Variants in TRNAU1AP observed in about 807,000 individuals in gnomAD.
TRNAU1AP encodes tRNA selenocysteine 1 associated protein 1, also known as tRNA selenocysteine 1-associated protein 1.
Under a neutral mutation model 43.3 loss-of-function variants are expected in TRNAU1AP, and 33 were observed. The observed-to-expected ratio is 0.76, with a 90% CI of 0.58 to 1.02. The LOEUF (loss-of-function observed/expected upper bound fraction) is 1.02. TRNAU1AP is among the 50% of genes least tolerant of loss of function. The pLI, the probability that TRNAU1AP is intolerant of heterozygous loss-of-function variation, is 0.00. For missense variants in TRNAU1AP, 290 were observed against 362.7 expected (o/e 0.80, Z 1.63); for synonymous variants, 143 against 129.1 (o/e 1.11, Z -0.73).
At chr1:28,562,081 T>C (rs966971742) in intron 4 of TRNAU1AP, among the ~76,000 whole-genome samples, 4 of 152,206 alleles carry the variant, frequency 2.6e-5, no homozygotes, top group Non-Finnish European at 4.4e-5. Context: ...AGACCCTGTC[T>C]TAAAAAAGAA....
chr1:28,569,309 T>C (rs1426837066), intron 6 of TRNAU1AP, among the ~76,000 whole-genome samples: 1 of 152,080 alleles, frequency 6.6e-6, no homozygotes, highest in African/African-American at 2.4e-5. Flanking sequence ...GTGGGAGAAT[T>C]GATTGAGCCT....
chr1:28,560,714 C>G lies in TRNAU1AP; in HGVS notation c.207C>G (p.Pro69=), dbSNP rs568489685. ...GTTTGCATAAAATTAATGGGAAACC[C>G]CTTCCAGGAGCCACACCTGTAAGGA... ...EKCLHKINGK[P]LPGATPAKRF... Residue 69 remains proline, a synonymous_variant, in exon 3 of 9, where the codon CCC becomes CCG. Coordinates refer to ENST00000373830, the MANE Select transcript of TRNAU1AP (RefSeq NM_017846.5). 1 of 1,613,878 alleles carries G rather than the reference C, an allele frequency of 6.2e-7. No homozygotes were observed. Among genetic ancestry groups the G allele is most frequent in the Non-Finnish European group, 8.5e-7 (1 of 1,179,794 alleles).
At chr1:28,553,285 C>CA (rs1665175832) in intron 1 of TRNAU1AP, 148 bp downstream of exon 1, 1 of 993,624 alleles carries the variant, frequency 1.0e-6, no homozygotes, top group Non-Finnish European at 1.4e-6. Context: ...AAGCGGGTTC[C>CA]AGCATCTAAG....
At chr1:28,567,629 A>G (rs1217214251) in intron 6 of TRNAU1AP, among the ~76,000 whole-genome samples, 5 of 152,144 alleles carry the variant, frequency 3.3e-5, no homozygotes, top group Non-Finnish European at 7.3e-5. Context: ...ATAGAGTATG[A>G]TTTGGAAAGG....
chr1:28,554,125 G>C (rs1389033914), intron 2 of TRNAU1AP: 1 of 162,116 alleles, frequency 6.2e-6, no homozygotes, highest in Non-Finnish European at 1.4e-5. Context: ...TTGAACCCGG[G>C]AGGCGAAGGT....
At chr1:28,555,917 G>A (rs990051156) in intron 2 of TRNAU1AP, among the ~76,000 whole-genome samples, 4 of 149,098 alleles carry the variant, frequency 2.7e-5, no homozygotes, top group Non-Finnish European at 5.9e-5. Context: ...GCAGTGGCAC[G>A]ATCTCGGCTC....
intron 7 of TRNAU1AP, 81 bp from the exon 8 acceptor site, chr1:28,571,786 A>AAATAAAAT: frequency 9.9e-7 from 1 of 1,008,580 alleles, no homozygotes; most frequent in Non-Finnish European, 1.5e-6. Context: ...CCACCTCAAA[A>AAATAAAAT]AAAATAAAAA....
intron 6 of TRNAU1AP, 108 bp from the exon 7 acceptor site, chr1:28,571,067 GA>G (rs912522481): frequency 1.5e-3 from 1,478 of 1,009,026 alleles, no homozygotes; most frequent in Non-Finnish European, 1.6e-3. Flanking sequence ...TCTGTCTCAA[GA>G]AAAAAAAAAG....
chr1:28,561,778 A>G (rs933203986), intron 4 of TRNAU1AP, among the ~76,000 whole-genome samples: 5 of 151,980 alleles, frequency 3.3e-5, no homozygotes, highest in Non-Finnish European at 7.4e-5. Context: ...TCTCTACAAA[A>G]AAATACAAAA....
At chr1:28,569,013 G>A (rs1252557092) in intron 6 of TRNAU1AP, among the ~76,000 whole-genome samples, 1 of 151,980 alleles carries the variant, frequency 6.6e-6, no homozygotes, top group Non-Finnish European at 1.5e-5. Flanking sequence ...GGTTTCACAT[G>A]TTGATCAGGC....
At chr1:28,562,630 G>C (rs1461663982) in intron 4 of TRNAU1AP, among the ~76,000 whole-genome samples, 1 of 151,588 alleles carries the variant, frequency 6.6e-6, no homozygotes, top group African/African-American at 2.4e-5. Context: ...GCCCAGGCTG[G>C]CGTGCAGTGG....
chr1:28,560,390 T>TC (rs1254854321), intron 2 of TRNAU1AP, among the ~76,000 whole-genome samples: 1 of 150,870 alleles, frequency 6.6e-6, no homozygotes, highest in Non-Finnish European at 1.5e-5. Flanking sequence ...ACAGCAATTC[T>TC]CCCCCTCAGT....
At chr1:28,571,520 A>G (rs1665660982) in intron 7 of TRNAU1AP, among the ~76,000 whole-genome samples, 182 bp downstream of exon 7, 1 of 152,012 alleles carries the variant, frequency 6.6e-6, no homozygotes, top group Non-Finnish European at 1.5e-5. Context: ...AGTGGCTCAC[A>G]CCTGTAATCC....
At chr1:28,557,668 A>T (rs745569421) in intron 2 of TRNAU1AP, among the ~76,000 whole-genome samples, 5 of 151,830 alleles carry the variant, frequency 3.3e-5, no homozygotes, top group Non-Finnish European at 7.4e-5. Flanking sequence ...AGCTCACTGC[A>T]ATCTGCACCT....
intron 2 of TRNAU1AP, among the ~76,000 whole-genome samples, chr1:28,557,714 G>C (rs137910475): frequency 1.1e-4 from 16 of 151,452 alleles, no homozygotes; most frequent in African/African-American, 1.5e-4. Flanking sequence ...TCAGCCTCCC[G>C]AGTAGCTAGG....
intron 4 of TRNAU1AP, among the ~76,000 whole-genome samples, chr1:28,562,109 G>A (rs1665423975): frequency 6.6e-6 from 1 of 152,180 alleles, no homozygotes; most frequent in Admixed American, 6.6e-5. Flanking sequence ...GAATTGACCT[G>A]TTATAGCAAC....
At chr1:28,558,714 G>A (rs923088915) in intron 2 of TRNAU1AP, among the ~76,000 whole-genome samples, 4 of 151,598 alleles carry the variant, frequency 2.6e-5, no homozygotes, top group African/African-American at 4.9e-5. Flanking sequence ...ATAGGTGCCC[G>A]CCACCACGCC....
intron 2 of TRNAU1AP, among the ~76,000 whole-genome samples, chr1:28,559,913 C>G (rs1246613811): frequency 6.6e-6 from 1 of 152,106 alleles, no homozygotes; most frequent in South Asian, 2.1e-4. Context: ...GGGTGGATCT[C>G]CTGAGGTCAG....
At chr1:28,563,393 C>CA (rs890802181) in intron 4 of TRNAU1AP, among the ~76,000 whole-genome samples, 1 of 151,814 alleles carries the variant, frequency 6.6e-6, no homozygotes, top group Admixed American at 6.6e-5. Flanking sequence ...ACTAAAAATA[C>CA]AAAAATTGGC....
Sources: allele counts gnomAD v4.1 joint callset (sites outside exome capture counted in the v4.1 genomes callset), GRCh38; gene constraint gnomAD v4.1.1; transcripts MANE v1.5; gene names NCBI Gene and HGNC (gene_info 2026-07-23, HGNC 2026-07-21).